Variants in CHRNG observed in about 807,000 individuals in gnomAD.
CHRNG encodes the protein acetylcholine receptor subunit gamma.
CHRNG carries 72 observed loss-of-function variants against 65.2 expected under a neutral mutation model. The ratio of observed to expected loss-of-function variants is 1.10; its 90% CI spans 0.91 to 1.34. The LOEUF (loss-of-function observed/expected upper bound fraction) is 1.34. Among genes scored for constraint, CHRNG ranks in the 40% most tolerant of loss-of-function variants. The pLI is 0.00. For missense variants in CHRNG, 637 were observed against 680.1 expected (o/e 0.94, Z 0.70); for synonymous variants, 284 against 290.2 (o/e 0.98, Z 0.22).
chr2:232,543,780 C>G (rs1692069071), intron 9 of CHRNG, 81 bp downstream of exon 9: 3 of 849,710 alleles, frequency 3.5e-6, no homozygotes, highest in Non-Finnish European at 5.9e-6. Context: ...GCAGTACTCA[C>G]CTGTGGCATT....
chr2:232,547,381 G>A lies in CHRNG; in HGVS notation c.*1665G>A, dbSNP rs1177671724. ...TGCAGTGAGCTGTGATCATGTGACT[G>A]CACTCCAGCCTGATGACACAGTAAG... On this transcript the variant is annotated 3_prime_UTR_variant, in exon 12 of 12. Coordinates refer to ENST00000651502, the MANE Select transcript of CHRNG (RefSeq NM_005199.5). 6.6e-6 allele frequency among the ~76,000 whole-genome samples: 1 copy of A among 152,094 alleles called. No homozygotes were observed. Among genetic ancestry groups the A allele is most frequent in the Admixed American group, 6.6e-5 (1 of 15,266 alleles).
chr2:232,545,542 G>C lies in CHRNG; in HGVS notation c.1381-1G>C. Reference sequence around the variant, plus strand: ...ATCCCACACCTGCCTCCCACCCTCAGGGGAATGAGGAGTGGTTCCTGGTGG... The same window carrying C: ...ATCCCACACCTGCCTCCCACCCTCACGGGAATGAGGAGTGGTTCCTGGTGG... On this transcript the variant is annotated splice_acceptor_variant, in intron 11 of 11. Coordinates refer to ENST00000651502, the MANE Select transcript of CHRNG (RefSeq NM_005199.5). LOFTEE classifies it high-confidence loss of function. 1 of 1,613,390 alleles carries C rather than the reference G, an allele frequency of 6.2e-7. No homozygotes were observed. Among genetic ancestry groups the C allele is most frequent in the Non-Finnish European group, 8.5e-7 (1 of 1,179,774 alleles).
Position 232,540,462 on chromosome 2 carries a change from G to T in CHRNG, c.240+37G>T, listed in dbSNP as rs759346535. 18 of 1,611,742 alleles carry T rather than the reference G, an allele frequency of 1.1e-5. No homozygotes were observed. The highest frequency in any genetic ancestry group is 9.3e-5 in the African/African-American group (7 of 74,870). On this transcript the variant is annotated intron_variant, in intron 3 of 11. Coordinates refer to ENST00000651502, the MANE Select transcript of CHRNG (RefSeq NM_005199.5). This position sits in a 1 kb window ranked among gnomAD's most constrained non-coding sequence, Gnocchi z 4.2. ...CCCTGCCACCCTCCTTCCATCAGGG[G>T]TCCCACCCCACCACCCCAAGGCCTC...
intron 9 of CHRNG, among the ~76,000 whole-genome samples, chr2:232,544,135 A>C (rs1208840815): frequency 6.6e-6 from 1 of 152,194 alleles, no homozygotes; most frequent in East Asian, 1.9e-4. Flanking sequence ...CCAGAATAGC[A>C]TGAGGGCTGG....
Position 232,543,484 on chromosome 2 carries a change from C to CCCCT in CHRNG, c.920+98_921-97insTCCC. 5.1e-6 allele frequency: 6 copies of CCCCT among 1,178,098 alleles called. No individual in the cohort carries two copies. In the South Asian group the frequency reaches 7.7e-5, roughly 15 times the overall value. The allele number at this position is 1,178,098 out of a possible 1,614,324, so 73.0% of individuals were successfully genotyped here. On this transcript the variant is annotated intron_variant, in intron 8 of 11. Coordinates refer to ENST00000651502, the MANE Select transcript of CHRNG (RefSeq NM_005199.5). ...TTGCCCTCTTGCCCTCCATCCACCC[C>CCCCT]CCCCATCCTCAATTCAGGAGGCCTG...
Position 232,542,443 on chromosome 2 carries a change from A to T in CHRNG, c.527A>T (p.Asn176Ile). ...LIFQSQTYSTNEIDLQLSQED... is the reference protein window; with the variant it reads ...LIFQSQTYSTIEIDLQLSQED... ...CCCAGGTCCCAGACTTACAGCACCA[A>T]TGAGATTGATCTGCAGCTGAGTCAG... is the stretch of plus-strand genomic sequence containing the variant. Residue 176 changes from asparagine (N) to isoleucine (I), a missense_variant, in exon 6 of 12, where the codon AAT (asparagine) becomes ATT (isoleucine). Asn to Ile is a moderately radical substitution (Grantham distance 149). Transcript: ENST00000651502. The T allele has an allele frequency of 6.2e-7, 1 of 1,613,784 alleles. No individual in the cohort carries two copies. Among genetic ancestry groups the T allele is most frequent in the Non-Finnish European group, 8.5e-7 (1 of 1,179,736 alleles).
chr2:232,545,013 G>A, intron 11 of CHRNG, 111 bp downstream of exon 11: 2 of 1,394,786 alleles, frequency 1.4e-6, no homozygotes, highest in South Asian at 1.2e-5. Context: ...GGAAAAACAT[G>A]AGGCCGGGTG....
chr2:232,539,958 A>G (rs768717602), intron 1 of CHRNG, 34 bp from the exon 2 acceptor site: 1 of 1,613,796 alleles, frequency 6.2e-7, no homozygotes, highest in East Asian at 2.2e-5. Context: ...TTCCACCTCC[A>G]AGCTCCTGCT....
At chr2:232,545,495 A>C in intron 11 of CHRNG, 48 bp from the exon 12 acceptor site, 3 of 1,545,648 alleles carry the variant, frequency 1.9e-6, no homozygotes, top group Non-Finnish European at 2.7e-6. Flanking sequence ...GACCCAGGGA[A>C]GACCTGGTGC....
chr2:232,543,470 C>G, intron 8 of CHRNG, 81 bp downstream of exon 8: 1 of 1,241,680 alleles, frequency 8.1e-7, no homozygotes, highest in Non-Finnish European at 1.2e-6. Flanking sequence ...TGCCCTCTTG[C>G]CCTCCATCCA....
intron 9 of CHRNG, 50 bp downstream of exon 9, chr2:232,543,749 G>T: frequency 8.8e-7 from 1 of 1,137,710 alleles, no homozygotes; most frequent in Non-Finnish European, 1.3e-6. Flanking sequence ...ACTCCCCTAC[G>T]CCTCCCTCTC....
At position 232,541,518 on chromosome 2, in the gene CHRNG, C is replaced by G. The variant is rs760199351; in HGVS notation, c.495C>G (p.Ser165=). ...TYFPFDWQNC[S]LIFQSQTYST... ...TCCCCTTCGACTGGCAGAACTGCTC[C>G]CTTATCTTCCAGTGAGGCCATTTAT... is the stretch of plus-strand genomic sequence containing the variant. The change falls in exon 5 of 12, where the codon TCC becomes TCG. Residue 165 remains serine (S), a synonymous_variant. Transcript: ENST00000651502. This position sits in a 1 kb window ranked among gnomAD's most constrained non-coding sequence, Gnocchi z 4.0. The G allele has an allele frequency of 4.3e-6, 7 of 1,613,858 alleles. No individual in the cohort carries two copies.
Position 232,541,741 on chromosome 2 carries a change from T to C in CHRNG, c.506+212T>C. On this transcript the variant is annotated intron_variant, in intron 5 of 11. Coordinates refer to ENST00000651502, the MANE Select transcript of CHRNG (RefSeq NM_005199.5). The surrounding 1 kb of genome is among the most constrained non-coding windows in gnomAD (Gnocchi z 4.0). ...TAAGCCCGAGTCCCCTCACTCATCC[T>C]TTACTGCCTCAGTTTCCTCACCTGT... 1 of 616,326 alleles carries C rather than the reference T, an allele frequency of 1.6e-6. No individual in the cohort carries two copies. The highest frequency in any genetic ancestry group is 2.8e-5 in the East Asian group (1 of 36,214). The allele number at this position is 616,326 out of a possible 1,614,324, so 38.2% of individuals were successfully genotyped here.
Position 232,541,188 on chromosome 2 carries a change from G to A in CHRNG, c.351-186G>A, listed in dbSNP as rs545907788. 3.0e-4 allele frequency among the ~76,000 whole-genome samples: 45 copies of A among 151,804 alleles called. No homozygotes were observed. The highest frequency in any genetic ancestry group is 9.7e-4 in the African/African-American group (40 of 41,354). On this transcript the variant is annotated intron_variant, in intron 4 of 11. Coordinates refer to ENST00000651502, the MANE Select transcript of CHRNG (RefSeq NM_005199.5). This position sits in a 1 kb window ranked among gnomAD's most constrained non-coding sequence, Gnocchi z 4.0. ...GTGCCTGAGGAAGTCTGTCTGGGGCGGGGGGTGGCAGGAGGATTGCTGGGG... is the reference window on the plus strand; with the variant it reads ...GTGCCTGAGGAAGTCTGTCTGGGGCAGGGGGTGGCAGGAGGATTGCTGGGG...
intron 8 of CHRNG, 82 bp from the exon 9 acceptor site, chr2:232,543,503 A>C: frequency 9.2e-7 from 1 of 1,091,630 alleles, no homozygotes; most frequent in Non-Finnish European, 1.3e-6. Context: ...TCAATTCAGG[A>C]GGCCTGAGGG....
Position 232,541,355 on chromosome 2 carries a change from G to A in CHRNG, c.351-19G>A. ...GCTGAGCCCACAGCCTCGTGGCCTG[G>A]CCTGTTCTGTGCATACAGCGTGGAC... On this transcript the variant is annotated intron_variant, in intron 4 of 11. Coordinates refer to ENST00000651502, the MANE Select transcript of CHRNG (RefSeq NM_005199.5). The surrounding 1 kb of genome is among the most constrained non-coding windows in gnomAD (Gnocchi z 4.0). 1.9e-6 allele frequency: 3 copies of A among 1,613,920 alleles called. No individual in the cohort carries two copies. Among genetic ancestry groups the A allele is most frequent in the Non-Finnish European group, 2.5e-6 (3 of 1,179,944 alleles).
chr2:232,543,181 A>AGGACAGAGG, intron 7 of CHRNG, 94 bp from the exon 8 acceptor site: 1 of 1,525,510 alleles, frequency 6.6e-7, no homozygotes, highest in South Asian at 1.1e-5. Flanking sequence ...ATTACGACCC[A>AGGACAGAGG]GGACAGAGGC....
At position 232,540,772 on chromosome 2, in the gene CHRNG, G is replaced by A; in HGVS notation, c.350+61G>A. The A allele has an allele frequency of 7.0e-7, 1 of 1,423,726 alleles. No homozygotes were observed. Among genetic ancestry groups the A allele is most frequent in the Non-Finnish European group, 9.7e-7 (1 of 1,028,554 alleles). The allele number at this position is 1,423,726 out of a possible 1,614,324, so 88.2% of individuals were successfully genotyped here. A position where few individuals can be genotyped will look rare whatever the true frequency, so the allele number is the denominator to read the frequency against. On this transcript the variant is annotated intron_variant, in intron 4 of 11. Coordinates refer to ENST00000651502, the MANE Select transcript of CHRNG (RefSeq NM_005199.5). This position sits in a 1 kb window ranked among gnomAD's most constrained non-coding sequence, Gnocchi z 4.2. ...AAGGACACAGGGTCTGGGCCCAGCA[G>A]AACAAGGCACTCTGGGAAAAGAGAA...
In CHRNG at chr2:232,543,838, G is replaced by A. The variant is rs567777922; in HGVS notation, c.1035+139G>A. The A allele has an allele frequency of 1.9e-4, 135 of 697,930 alleles. 1 individual carries two copies. In the African/African-American group the frequency reaches 1.9e-3, roughly 10 times the overall value. The allele number at this position is 697,930 out of a possible 1,614,324, so 43.2% of individuals were successfully genotyped here. On this transcript the variant is annotated intron_variant, in intron 9 of 11. Coordinates refer to ENST00000651502, the MANE Select transcript of CHRNG (RefSeq NM_005199.5). Reference sequence around the variant, plus strand: ...GTATCTGGACGCATGGACCAAAATCGATTACAGTAATACAGGAATGAAATT... The same window carrying A: ...GTATCTGGACGCATGGACCAAAATCAATTACAGTAATACAGGAATGAAATT...
Sources: allele counts gnomAD v4.1 joint callset (sites outside exome capture counted in the v4.1 genomes callset), GRCh38; gene constraint gnomAD v4.1.1; non-coding constraint Gnocchi (gnomAD v3.1); transcripts MANE v1.5; gene names NCBI Gene and HGNC (gene_info 2026-07-23, HGNC 2026-07-21).